The following PDZD8 variants were observed in gnomAD, a reference collection of about 807,000 sequenced individuals.
PDZD8 encodes the protein PDZ domain-containing protein 8.
PDZD8 carries 14 observed loss-of-function variants against 85.8 expected under a neutral mutation model. The ratio of observed to expected loss-of-function variants is 0.16; its 90% confidence interval spans 0.11 to 0.26. The LOEUF is 0.26. Among genes scored for constraint, PDZD8 ranks in the 10% least tolerant of loss-of-function variants. The pLI is 1.00. For missense variants in PDZD8, 1,197 were observed against 1,424.3 expected (o/e 0.84, Z 2.57); for synonymous variants, 592 against 568.6 (o/e 1.04, Z -0.59).
intron 1 of PDZD8, among the ~76,000 whole-genome samples, chr10:117,349,387 G>C (rs1844761505): frequency 6.6e-6 from 1 of 152,200 alleles, no homozygotes. Flanking sequence ...GGAATATAGA[G>C]AAGGAAACAT....
At chr10:117,338,787 T>C (rs541656107) in intron 2 of PDZD8, among the ~76,000 whole-genome samples, 1 of 152,184 alleles carries the variant, frequency 6.6e-6, no homozygotes. Flanking sequence ...ATGCCTTACA[T>C]GCAGTCTTTG....
At chr10:117,316,112 C>G (rs1844124588) in intron 3 of PDZD8, among the ~76,000 whole-genome samples, 1 of 152,056 alleles carries the variant, frequency 6.6e-6, no homozygotes, top group South Asian at 2.1e-4. Context: ...TTTACTTATA[C>G]CTCAGCTATC....
At chr10:117,363,642 A>C (rs769592103) in intron 1 of PDZD8, among the ~76,000 whole-genome samples, 1 of 152,164 alleles carries the variant, frequency 6.6e-6, no homozygotes, top group Non-Finnish European at 1.5e-5. Context: ...AATAAACCCA[A>C]TGAGGATATT....
intron 2 of PDZD8, among the ~76,000 whole-genome samples, chr10:117,329,166 T>A (rs1249258963): frequency 3.9e-5 from 6 of 152,334 alleles, no homozygotes; most frequent in Admixed American, 3.9e-4. Context: ...ATATTTTGCA[T>A]AAATATAAAC....
intron 4 of PDZD8, among the ~76,000 whole-genome samples, chr10:117,289,509 C>G (rs1280673434): frequency 6.6e-6 from 1 of 152,230 alleles, no homozygotes; most frequent in African/African-American, 2.4e-5. Flanking sequence ...GGACTTTCCC[C>G]TCACTGCTGT....
intron 1 of PDZD8, among the ~76,000 whole-genome samples, chr10:117,362,089 A>G (rs559461199): frequency 6.6e-6 from 1 of 152,154 alleles, no homozygotes; most frequent in Non-Finnish European, 1.5e-5. Context: ...ATTTTTCCCT[A>G]TCCAAATAAA....
rs375815140 is a variant in PDZD8 at position 117,283,260 on chromosome 10, C to A, written c.*8G>T. 114 of 1,596,436 alleles carry A rather than the reference C, an allele frequency of 7.1e-5. No individual in the cohort carries two copies. Among genetic ancestry groups the A allele is most frequent in the Middle Eastern group, 6.7e-4 (4 of 5,928 alleles). ...CTGTTCATTTGAAAGCTTAAATAGA[C>A]CTGTCTGCTACACAGACTCGGATGG... is the stretch of plus-strand genomic sequence containing the variant. On this transcript the variant is annotated 3_prime_UTR_variant, in exon 5 of 5. Transcript: ENST00000334464.
Position 117,284,858 on chromosome 10 carries a change from A to T in PDZD8, c.1875T>A (p.Pro625=), listed in dbSNP as rs768683813. Residue 625 remains proline, a synonymous_variant, in exon 5 of 5, where the codon CCT becomes CCA. Coordinates refer to ENST00000334464, the MANE Select transcript of PDZD8 (RefSeq NM_173791.5). ...TTTCAGCAGATTTATCTACAAGAGG[A>T]GGTGGCACCACCTTCTCTGGCTTTT... ...LVEKPEKVVP[P]PLVDKSAEKQ... 89 of 1,614,036 alleles carry T rather than the reference A, an allele frequency of 5.5e-5. No homozygotes were observed. The highest frequency in any genetic ancestry group is 8.3e-5 in the Admixed American group (5 of 59,992).
At position 117,374,439 on chromosome 10, in the gene PDZD8, G is replaced by C; in HGVS notation, c.789C>G (p.Pro263=). 1.9e-6 allele frequency: 3 copies of C among 1,614,222 alleles called. No homozygotes were observed. The highest frequency in any genetic ancestry group is 2.5e-6 in the Non-Finnish European group (3 of 1,180,040). Residue 263 remains proline (P), a synonymous_variant, in exon 1 of 5, where the codon CCC becomes CCG. Transcript: ENST00000334464. The surrounding 1 kb of genome is among the most constrained non-coding windows in gnomAD (Gnocchi z 7.8). ...CGATGATGGAGGTGAGCTGGGGCAT[G>C]GGCCGCCCTTCAAACTGGGAGCGCA... ...FEVRSQFEGR[P]MPQLTSIIVN...
chr10:117,322,065 T>C (rs1158016123), intron 2 of PDZD8, among the ~76,000 whole-genome samples: 4 of 152,212 alleles, frequency 2.6e-5, no homozygotes, highest in Admixed American at 2.6e-4. Context: ...TTGTTACTGA[T>C]TCGTTCAATT....
intron 2 of PDZD8, among the ~76,000 whole-genome samples, chr10:117,328,318 T>G (rs1006171416): frequency 1.1e-4 from 16 of 152,176 alleles, no homozygotes; most frequent in Non-Finnish European, 2.1e-4. Flanking sequence ...CAGCAGTGGC[T>G]CTATGTTGAC....
intron 3 of PDZD8, among the ~76,000 whole-genome samples, chr10:117,309,236 C>T (rs1237417475): frequency 6.6e-6 from 1 of 151,938 alleles, no homozygotes; most frequent in Non-Finnish European, 1.5e-5. Context: ...CTTTAACTTG[C>T]TCTTAAAAAA....
chr10:117,343,995 T>C (rs1160984503), intron 1 of PDZD8, among the ~76,000 whole-genome samples: 1 of 152,214 alleles, frequency 6.6e-6, no homozygotes, highest in Non-Finnish European at 1.5e-5. Flanking sequence ...CATCATATCA[T>C]CTTTCTTCAA....
In PDZD8 at chr10:117,374,998, C is replaced by A. The variant is rs1445428914; in HGVS notation, c.230G>T (p.Gly77Val). The change falls in exon 1 of 5, where the codon GGC becomes GTC. Residue 77 changes from glycine to valine, a missense_variant. Gly to Val is a moderately radical substitution (Grantham distance 109). Coordinates refer to ENST00000334464, the MANE Select transcript of PDZD8 (RefSeq NM_173791.5). This position sits in a 1 kb window ranked among gnomAD's most constrained non-coding sequence, Gnocchi z 7.8. Reference protein sequence around the residue: ...EEPSGAAPEGGATPTAAPETP... With the variant: ...EEPSGAAPEGVATPTAAPETP... ...CTCGGGGGCCGCGGTGGGGGTCGCGCCGCCCTCAGGGGCCGCTCCGGAGGG... is the reference window on the plus strand; with the variant it reads ...CTCGGGGGCCGCGGTGGGGGTCGCGACGCCCTCAGGGGCCGCTCCGGAGGG... The A allele has an allele frequency of 6.3e-7, 1 of 1,590,966 alleles. No individual in the cohort carries two copies. The highest frequency in any genetic ancestry group is 8.6e-7 in the Non-Finnish European group (1 of 1,169,084).
rs1389181507 is a variant in PDZD8 at position 117,282,636 on chromosome 10, A to G, written c.*632T>C. 1 of 152,154 alleles carries G rather than the reference A, an allele frequency of 6.6e-6. No homozygotes were observed. The highest frequency in any genetic ancestry group is 2.4e-5 in the African/African-American group (1 of 41,448). 9.4% of individuals were successfully genotyped at this position (152,154 alleles called of 1,614,324 possible). A position where few individuals can be genotyped will look rare whatever the true frequency, so the allele number is the denominator to read the frequency against. On this transcript the variant is annotated 3_prime_UTR_variant, in exon 5 of 5. Transcript: ENST00000334464. ...CACAGAAGCATCGAAAGCAAGCAAT[A>G]TATGTAAAAAATTTTTTTTTACTAA... is the stretch of plus-strand genomic sequence containing the variant.
chr10:117,335,386 A>C (rs1001670143), intron 2 of PDZD8, among the ~76,000 whole-genome samples: 1 of 152,234 alleles, frequency 6.6e-6, no homozygotes, highest in Non-Finnish European at 1.5e-5. Context: ...ATAAAGGGCA[A>C]CAGAAATGGT....
Position 117,318,962 on chromosome 10 carries a change from A to G in PDZD8, c.1008T>C (p.Phe336=), listed in dbSNP as rs758074105. ...CATTTGCCTCTCTGTCATAGGATCCAAAAATGAGTAACCTGCAGAATAAAA... is the reference window on the plus strand; with the variant it reads ...CATTTGCCTCTCTGTCATAGGATCCGAAAATGAGTAACCTGCAGAATAAAA... ...TLLECSRLLI[F]GSYDREANVH... The change falls in exon 3 of 5, where the codon TTT becomes TTC. Residue 336 remains phenylalanine (F), a synonymous_variant. Transcript: ENST00000334464. 6.2e-7 allele frequency: 1 copy of G among 1,605,622 alleles called. No homozygotes were observed.
rs1844613174 is a variant in PDZD8, at chr10:117,283,974, A to G, written c.2759T>C (p.Val920Ala). The G allele has an allele frequency of 1.2e-6, 2 of 1,614,230 alleles. No individual in the cohort carries two copies. The highest frequency in any genetic ancestry group is 1.7e-6 in the Non-Finnish European group (2 of 1,180,036). The stretch of plus-strand genomic sequence containing the variant: ...GACTGACTTGCTAGCTTCAGCATCA[A>G]CACGAGGAGGCAGGCCTAAGAGGGT... Reference protein sequence around the residue: ...QETLLGLPPRVDAEASKSVNK... With the variant: ...QETLLGLPPRADAEASKSVNK... The change falls in exon 5 of 5, where the codon GTT (valine) becomes GCT (alanine). Residue 920 changes from valine to alanine, a missense_variant. Val to Ala is a moderately conservative substitution (Grantham distance 64). Transcript: ENST00000334464.
intron 2 of PDZD8, among the ~76,000 whole-genome samples, chr10:117,338,891 C>T (rs1490097623): frequency 1.3e-5 from 2 of 152,108 alleles, no homozygotes; most frequent in African/African-American, 4.8e-5. Context: ...TAAATAGCTA[C>T]AAGCTAACAG....
Sources: allele counts gnomAD v4.1 joint callset (sites outside exome capture counted in the v4.1 genomes callset), GRCh38; gene constraint gnomAD v4.1.1; non-coding constraint Gnocchi (gnomAD v3.1); transcripts MANE v1.5; gene names NCBI Gene and HGNC (gene_info 2026-07-23, HGNC 2026-07-21).